The following SEMA6D variants were observed in gnomAD, a reference collection of about 807,000 sequenced individuals.
SEMA6D encodes semaphorin-6D.
Under a neutral mutation model 106.6 loss-of-function variants are expected in SEMA6D, and 35 were observed. The ratio of observed to expected loss-of-function variants is 0.33; its 90% CI spans 0.25 to 0.44. SEMA6D has a LOEUF of 0.44. Ranked by LOEUF, SEMA6D falls within the 20% of genes least tolerant of loss-of-function variation. The pLI, the probability that SEMA6D is intolerant of heterozygous loss-of-function variation, is 1.00. For missense variants in SEMA6D, 1,185 were observed against 1,345.9 expected, an observed-to-expected ratio of 0.88 and a Z score of 1.87; for synonymous variants, 499 against 487.7, an observed-to-expected ratio of 1.02 and a Z score of -0.31.
At chr15:47,300,496 G>A (rs906757544) in intron 1 of SEMA6D, among the ~76,000 whole-genome samples, 2 of 152,038 alleles carry the variant, frequency 1.3e-5, no homozygotes, top group Non-Finnish European at 1.5e-5. Flanking sequence ...TGAATAAAAC[G>A]TGTCCCTGCC....
intron 3 of SEMA6D, among the ~76,000 whole-genome samples, chr15:47,600,628 C>A (rs2076632324): frequency 6.6e-6 from 1 of 152,156 alleles, no homozygotes; most frequent in Admixed American, 6.6e-5. Context: ...TGCTTTTCCT[C>A]AGCTGAACAT....
intron 1 of SEMA6D, among the ~76,000 whole-genome samples, chr15:47,186,568 CTA>C (rs1893590200): frequency 6.6e-6 from 1 of 150,470 alleles, no homozygotes; most frequent in African/African-American, 2.4e-5. Context: ...ATTTTCAACT[CTA>C]TTATTTTACA....
At chr15:47,488,502 T>C (rs2043365695) in intron 3 of SEMA6D, among the ~76,000 whole-genome samples, 1 of 152,052 alleles carries the variant, frequency 6.6e-6, no homozygotes, top group Non-Finnish European at 1.5e-5. Context: ...TGAGATTCCA[T>C]AGTACATAGT....
At chr15:47,372,924 T>C (rs191938166) in intron 1 of SEMA6D, among the ~76,000 whole-genome samples, 132 of 152,312 alleles carry the variant, frequency 8.7e-4, no homozygotes, top group Non-Finnish European at 1.5e-3. Context: ...ACAAGAAACA[T>C]AACTTTAATT....
rs142749941 is a variant in SEMA6D at position 47,678,824 on chromosome 15, T to C, written c.-55+77928T>C. 1.7e-3 allele frequency among the ~76,000 whole-genome samples: 254 copies of C among 152,298 alleles called. 7 individuals are homozygous for C. The East Asian group carries it at 0.043, about 26-fold the overall frequency. On this transcript the variant is annotated intron_variant, in intron 4 of 19. Coordinates refer to the SEMA6D transcript ENST00000558014. ...ATTTATATATTGTATTTGTATCATA[T>C]TTTATTTGATCTTCACATAGTGTTA... is the stretch of plus-strand genomic sequence containing the variant.
At position 47,765,904 on chromosome 15, in the gene SEMA6D, T is replaced by C. The variant is rs529280879; in HGVS notation, c.1463T>C (p.Ile488Thr). The change falls in exon 14 of 19, where the codon ATC (isoleucine) becomes ACC (threonine). Residue 488 changes from isoleucine (I) to threonine (T), a missense_variant. Physicochemically the swap from Ile to Thr is moderately conservative, Grantham distance 89. Around this residue, in one of 3 missense-constraint regions of SEMA6D, gnomAD observed 750 missense variants for 783.5 expected, o/e 0.96. Coordinates refer to ENST00000536845, the MANE Select transcript of SEMA6D (RefSeq NM_001358351.3). ...GAGAATGAGGAAGACAAAAAGGTCA[T>C]CTCATTACAGTTGGATAAAGATCAC... The part of the protein sequence containing the change: ...SAENEEDKKV[I>T]SLQLDKDHHA... 3 of 1,544,610 alleles carry C rather than the reference T, an allele frequency of 1.9e-6. No homozygotes were observed. Among genetic ancestry groups the C allele is most frequent in the African/African-American group, 2.8e-5 (2 of 72,554 alleles).
At chr15:47,266,497 GT>G (rs2034324075) in intron 1 of SEMA6D, among the ~76,000 whole-genome samples, 1 of 151,912 alleles carries the variant, frequency 6.6e-6, no homozygotes, top group Admixed American at 6.6e-5. Flanking sequence ...GTCTTTTTTG[GT>G]TTGCCTTTTC....
At chr15:47,606,824 G>A (rs1201287687) in intron 4 of SEMA6D, among the ~76,000 whole-genome samples, 2 of 152,146 alleles carry the variant, frequency 1.3e-5, no homozygotes, top group Non-Finnish European at 2.9e-5. Flanking sequence ...AAGCTTGCTT[G>A]AAATTCTCAC....
intron 3 of SEMA6D, among the ~76,000 whole-genome samples, chr15:47,596,629 A>T (rs2076541195): frequency 6.6e-6 from 1 of 152,142 alleles, no homozygotes; most frequent in Non-Finnish European, 1.5e-5. Flanking sequence ...ATGAACTCAC[A>T]CATCAATGGT....
At chr15:47,190,564 G>C (rs1039169297) in intron 1 of SEMA6D, among the ~76,000 whole-genome samples, 1 of 152,030 alleles carries the variant, frequency 6.6e-6, no homozygotes, top group African/African-American at 2.4e-5. Flanking sequence ...TTCCATGTCC[G>C]TGTCTCCCTA....
intron 3 of SEMA6D, among the ~76,000 whole-genome samples, chr15:47,524,648 C>A (rs574154357): frequency 2.0e-5 from 3 of 152,074 alleles, no homozygotes; most frequent in African/African-American, 7.2e-5. Flanking sequence ...TAGAGGGAGA[C>A]AGAACTACAG....
intron 4 of SEMA6D, among the ~76,000 whole-genome samples, chr15:47,611,356 A>G (rs1482161928): frequency 2.6e-5 from 4 of 152,234 alleles, no homozygotes; most frequent in African/African-American, 7.2e-5. Context: ...ACATGCTATC[A>G]TATGTATTAA....
At chr15:47,688,046 T>C (rs1440031590) in intron 4 of SEMA6D, among the ~76,000 whole-genome samples, 1 of 152,102 alleles carries the variant, frequency 6.6e-6, no homozygotes, top group Non-Finnish European at 1.5e-5. Context: ...ACTAACTTAA[T>C]GAGGTACATA....
At chr15:47,309,734 C>G (rs898957658) in intron 1 of SEMA6D, among the ~76,000 whole-genome samples, 3 of 152,172 alleles carry the variant, frequency 2.0e-5, no homozygotes, top group Non-Finnish European at 4.4e-5. Context: ...GCTCAGAACA[C>G]TTATATTAGC....
At chr15:47,489,583 G>T (rs142414650) in intron 3 of SEMA6D, among the ~76,000 whole-genome samples, 1 of 152,158 alleles carries the variant, frequency 6.6e-6, no homozygotes, top group East Asian at 1.9e-4. Context: ...TGACACCTTG[G>T]GGGTTGCATT....
intron 1 of SEMA6D, among the ~76,000 whole-genome samples, chr15:47,186,523 G>A (rs527737795): frequency 0.034 from 2,132 of 63,020 alleles, 49 homozygotes; most frequent in African/African-American, 0.091. Flanking sequence ...AGCAGCATTC[G>A]TACCTCTTTT....
intron 1 of SEMA6D, among the ~76,000 whole-genome samples, chr15:47,403,797 G>A (rs559621824): frequency 2.0e-5 from 3 of 152,168 alleles, no homozygotes; most frequent in Non-Finnish European, 4.4e-5. Flanking sequence ...GATGGGGCTG[G>A]CTCTTCCTTT....
chr15:47,238,926 T>TGG (rs2032730119), intron 1 of SEMA6D, among the ~76,000 whole-genome samples: 1 of 152,168 alleles, frequency 6.6e-6, no homozygotes, highest in African/African-American at 2.4e-5. Flanking sequence ...TTTGCATACT[T>TGG]GAGAAAATGA....
intron 1 of SEMA6D, among the ~76,000 whole-genome samples, chr15:47,342,090 C>T (rs1392466507): frequency 1.3e-5 from 2 of 151,814 alleles, no homozygotes; most frequent in Non-Finnish European, 2.9e-5. Flanking sequence ...TAGCCTGATA[C>T]AGCCCAGTGC....
Sources: gnomAD v4.1 joint callset for allele counts (sites outside exome capture counted in the v4.1 genomes callset) on GRCh38, gnomAD v4.1.1 for gene constraint, gnomAD v4.1.1 regional missense constraint, MANE v1.5 for transcripts, NCBI Gene and HGNC (gene_info 2026-07-23, HGNC 2026-07-21) for gene names.